CDH10: variants seen among roughly 807,000 people sequenced by gnomAD.
CDH10 encodes cadherin-10.
Under a neutral mutation model 73.1 loss-of-function variants are expected in CDH10, and 30 were observed. That is an observed-to-expected ratio of 0.41 (90% CI 0.31 to 0.56). The LOEUF (loss-of-function observed/expected upper bound fraction) is 0.56, where lower values mean the gene tolerates loss of function less well. Among genes scored for constraint, CDH10 ranks in the 20% least tolerant of loss-of-function variants. The pLI is 0.27. For missense variants in CDH10, 815 were observed against 973.7 expected (o/e 0.84, Z 2.17); for synonymous variants, 345 against 348.2 (o/e 0.99, Z 0.10).
At chr5:24,596,803 T>C (rs1224304995) in intron 1 of CDH10, among the ~76,000 whole-genome samples, 1 of 151,988 alleles carries the variant, frequency 6.6e-6, no homozygotes, top group Non-Finnish European at 1.5e-5. Flanking sequence ...TACAGATGTA[T>C]CAGTATATGT....
chr5:24,534,620 G>T (rs1743873712), intron 5 of CDH10, among the ~76,000 whole-genome samples: 1 of 152,034 alleles, frequency 6.6e-6, no homozygotes, highest in Non-Finnish European at 1.5e-5. Context: ...AACATTAAAT[G>T]CAAGTCAGAT....
intron 2 of CDH10, among the ~76,000 whole-genome samples, chr5:24,568,365 A>G (rs1745240216): frequency 6.6e-6 from 1 of 152,194 alleles, no homozygotes; most frequent in Admixed American, 6.5e-5. Context: ...CAAAGAAGAC[A>G]TCCAAATGGC....
In CDH10 at chr5:24,575,028, G is replaced by T. The variant is rs150031054; in HGVS notation, c.231+18232C>A. ...TAAATTTTTCATGGTCACTCAAACGGATCTGAGACAAGGAGGTTAATTTCA... is the reference window on the plus strand; with the variant it reads ...TAAATTTTTCATGGTCACTCAAACGTATCTGAGACAAGGAGGTTAATTTCA... On this transcript the variant is annotated intron_variant, in intron 2 of 11. Coordinates refer to ENST00000264463, the MANE Select transcript of CDH10 (RefSeq NM_006727.5). Among the ~76,000 whole-genome samples, 525 of 152,006 alleles carry T rather than the reference G, an allele frequency of 3.5e-3. 1 individual carries two copies. The highest frequency in any genetic ancestry group is 0.014 in the Middle Eastern group (4 of 294).
Position 24,582,677 on chromosome 5 carries a change from G to A in CDH10, c.231+10583C>T, listed in dbSNP as rs1032971188. On this transcript the variant is annotated intron_variant, in intron 2 of 11. Coordinates refer to ENST00000264463, the MANE Select transcript of CDH10 (RefSeq NM_006727.5). Reference sequence around the variant, plus strand: ...GGTCAATTAATAAAGACAGACTGTGGATCAAAAAAAACACTACCATGTCAA... The same window carrying A: ...GGTCAATTAATAAAGACAGACTGTGAATCAAAAAAAACACTACCATGTCAA... Among the ~76,000 whole-genome samples the A allele has an allele frequency of 2.0e-5, 3 of 152,026 alleles. No individual in the cohort carries two copies. In the South Asian group the frequency reaches 6.2e-4, roughly 32 times the overall value.
chr5:24,613,903 A>C (rs1313888130), intron 1 of CDH10, among the ~76,000 whole-genome samples: 2 of 152,154 alleles, frequency 1.3e-5, no homozygotes, highest in African/African-American at 4.8e-5. Flanking sequence ...ATAAATGTTG[A>C]ATGAAGCATT....
rs1392910357 is a variant in CDH10 at position 24,488,081 on chromosome 5, A to G, written c.1949T>C (p.Ile650Thr). Residue 650 changes from isoleucine to threonine, a missense_variant, in exon 12 of 12, where the codon ATC (isoleucine) becomes ACC (threonine). Coordinates refer to ENST00000264463, the MANE Select transcript of CDH10 (RefSeq NM_006727.5). The stretch of plus-strand genomic sequence containing the variant: ...GTTATAGCTCACAATGTTGTCTCTG[A>G]TATCTTCTTTTGACAAGATCAGAGG... ...KEPLILSKEDIRDNIVSYNDE... is the reference protein window; with the variant it reads ...KEPLILSKEDTRDNIVSYNDE... The G allele has an allele frequency of 5.6e-6, 9 of 1,613,846 alleles. No individual in the cohort carries two copies. Among genetic ancestry groups the G allele is most frequent in the East Asian group, 4.5e-5 (2 of 44,868 alleles).
intron 1 of CDH10, among the ~76,000 whole-genome samples, chr5:24,626,868 ATATATAAGTGTATATATATGTG>A (rs1287748101): frequency 1.9e-5 from 2 of 104,698 alleles, no homozygotes; most frequent in African/African-American, 2.8e-5. Flanking sequence ...ATATATGTGT[ATATATAAGTGTATATATATGTG>A]TATATATGTG....
At chr5:24,495,677 C>A (rs537428097) in intron 9 of CDH10, among the ~76,000 whole-genome samples, 1 of 151,288 alleles carries the variant, frequency 6.6e-6, no homozygotes, top group Admixed American at 6.6e-5. Context: ...TGAAACCCTG[C>A]CTCTACTAAA....
chr5:24,558,173 T>G (rs1211733860), intron 2 of CDH10, among the ~76,000 whole-genome samples: 3 of 142,698 alleles, frequency 2.1e-5, no homozygotes, highest in Non-Finnish European at 4.6e-5. Context: ...TAGGACATCC[T>G]GTAAATAATG....
At chr5:24,585,250 A>G (rs76826646) in intron 2 of CDH10, among the ~76,000 whole-genome samples, 2,215 of 152,170 alleles carry the variant, frequency 0.015, 59 homozygotes, top group African/African-American at 0.051. Context: ...GATTATTACA[A>G]CTAGTCTCTC....
chr5:24,525,956 T>C (rs529829037), intron 5 of CDH10, among the ~76,000 whole-genome samples: 1 of 152,214 alleles, frequency 6.6e-6, no homozygotes, highest in African/African-American at 2.4e-5. Flanking sequence ...AATGGCAATG[T>C]GTAGAAACAA....
At chr5:24,571,188 T>A (rs768773392) in intron 2 of CDH10, among the ~76,000 whole-genome samples, 1 of 152,144 alleles carries the variant, frequency 6.6e-6, no homozygotes, top group Admixed American at 6.5e-5. Context: ...ACTGTATACA[T>A]GGGGTAAATA....
chr5:24,530,163 A>G (rs974801862), intron 5 of CDH10, among the ~76,000 whole-genome samples: 5 of 150,646 alleles, frequency 3.3e-5, no homozygotes, highest in Non-Finnish European at 7.4e-5. Context: ...TTTTCCTTGA[A>G]TAGATTTGAG....
chr5:24,544,269 G>A (rs1034267026), intron 2 of CDH10, among the ~76,000 whole-genome samples: 62 of 152,080 alleles, frequency 4.1e-4, no homozygotes, highest in African/African-American at 1.4e-3. Flanking sequence ...ACTCCAGCCT[G>A]GAGACAGTGC....
intron 1 of CDH10, among the ~76,000 whole-genome samples, chr5:24,631,094 A>G (rs951032817): frequency 6.6e-6 from 1 of 152,138 alleles, no homozygotes; most frequent in East Asian, 1.9e-4. Flanking sequence ...ACTATGCAGT[A>G]CTGCCTCTGG....
intron 1 of CDH10, among the ~76,000 whole-genome samples, chr5:24,601,433 T>C (rs569438637): frequency 1.3e-5 from 2 of 152,288 alleles, no homozygotes; most frequent in South Asian, 4.1e-4. Flanking sequence ...GTTACTATGA[T>C]TAAAATTTAC....
At chr5:24,534,332 T>A (rs1743861568) in intron 5 of CDH10, among the ~76,000 whole-genome samples, 1 of 152,098 alleles carries the variant, frequency 6.6e-6, no homozygotes, top group African/African-American at 2.4e-5. Flanking sequence ...CTAATGACCC[T>A]AATTTCTATC....
rs559592064 is a variant in CDH10 at position 24,537,429 on chromosome 5, C to T, written c.477G>A (p.Thr159=). Residue 159 remains threonine, a synonymous_variant, in exon 3 of 12, where the codon ACG becomes ACA. Coordinates refer to ENST00000264463, the MANE Select transcript of CDH10 (RefSeq NM_006727.5). ...TAGCTGTATAGATTTCTTCTGGGAA[C>T]GTTGGCTCATTGTCATTGATATCAT... is the stretch of plus-strand genomic sequence containing the variant. ...KIHDINDNEP[T]FPEEIYTASV... The T allele has an allele frequency of 8.7e-6, 14 of 1,612,686 alleles. No individual in the cohort carries two copies. In the East Asian group the frequency reaches 8.9e-5, roughly 10 times the overall value.
At chr5:24,506,699 A>C (rs560136606) in intron 7 of CDH10, among the ~76,000 whole-genome samples, 2 of 152,218 alleles carry the variant, frequency 1.3e-5, no homozygotes, top group East Asian at 3.8e-4. Context: ...TTAATATCTG[A>C]TATGGTGATC....
Sources: allele counts gnomAD v4.1 joint callset (sites outside exome capture counted in the v4.1 genomes callset), GRCh38; gene constraint gnomAD v4.1.1; transcripts MANE v1.5; gene names NCBI Gene and HGNC (gene_info 2026-07-23, HGNC 2026-07-21).